SEPTIN6: variants seen among roughly 807,000 people sequenced by gnomAD.
SEPTIN6 encodes the protein septin-6.
In SEPTIN6, 8 loss-of-function variants were observed where a neutral mutation model predicts 33.6. That is an observed-to-expected ratio of 0.24 (90% CI 0.14 to 0.43). The LOEUF (loss-of-function observed/expected upper bound fraction) is 0.43, where lower values mean the gene tolerates loss of function less well. Among genes scored for constraint, SEPTIN6 ranks in the 20% least tolerant of loss-of-function variants. The probability of loss-of-function intolerance (pLI) is 1.00; values close to 1 mark genes in which losing one functional copy is unlikely to be tolerated. For synonymous variants in SEPTIN6, 131 were observed against 140.0 expected (o/e 0.94, Z 0.45); for missense variants, 250 against 340.8 (o/e 0.73, Z 2.10).
intron 7 of SEPTIN6, among the ~76,000 whole-genome samples, chrX:119,633,964 T>C (rs1283295428): frequency 1.8e-5 from 2 of 112,045 alleles, no homozygotes; most frequent in Admixed American, 9.5e-5. Flanking sequence ...TCAGTACTAA[T>C]TGACATGATG....
chrX:119,656,866 A>G (rs2054453212), intron 3 of SEPTIN6, among the ~76,000 whole-genome samples: 1 of 110,513 alleles, frequency 9.0e-6, no homozygotes, highest in Admixed American at 9.7e-5. Flanking sequence ...AGCCTGGGCG[A>G]CAGAGTGAGA....
chrX:119,674,779 A>T (rs1297074686), intron 2 of SEPTIN6, among the ~76,000 whole-genome samples: 1 of 112,390 alleles, frequency 8.9e-6, no homozygotes, highest in East Asian at 2.8e-4. Flanking sequence ...CTAATGTGAG[A>T]AAGTGAAAAG....
intron 3 of SEPTIN6, 28 bp downstream of exon 3, chrX:119,663,445 ACCTCCCCAC>A: frequency 1.0e-6 from 1 of 969,914 alleles, no homozygotes; most frequent in Non-Finnish European, 1.4e-6. Context: ...CCCTCTACCA[ACCTCCCCAC>A]CCTACCCCAC....
intron 5 of SEPTIN6, among the ~76,000 whole-genome samples, chrX:119,644,971 G>A (rs920057031): frequency 9.5e-5 from 10 of 104,891 alleles, no homozygotes; most frequent in African/African-American, 3.5e-4. Flanking sequence ...GCAATGGCAC[G>A]ATCTCGGCTC....
At chrX:119,662,158 T>G (rs1316804875) in intron 3 of SEPTIN6, among the ~76,000 whole-genome samples, 24 of 110,998 alleles carry the variant, frequency 2.2e-4, no homozygotes, top group Non-Finnish European at 1.9e-5. Flanking sequence ...TTTAGCCCAG[T>G]GTTCTTCTTA....
At chrX:119,675,213 T>C (rs769285059) in intron 2 of SEPTIN6, among the ~76,000 whole-genome samples, 1 of 110,688 alleles carries the variant, frequency 9.0e-6, no homozygotes, top group East Asian at 2.8e-4. Context: ...TTGTCAGCTA[T>C]CCCCTCCCTC....
intron 2 of SEPTIN6, among the ~76,000 whole-genome samples, chrX:119,664,691 T>C (rs2054604358): frequency 1.9e-5 from 2 of 106,651 alleles, no homozygotes; most frequent in South Asian, 8.4e-4. Flanking sequence ...ACATACACAA[T>C]TTAGCCAGGC....
At chrX:119,623,324 T>A (rs2053799525) in intron 10 of SEPTIN6, among the ~76,000 whole-genome samples, 1 of 112,039 alleles carries the variant, frequency 8.9e-6, no homozygotes, top group Admixed American at 9.6e-5. Flanking sequence ...ATGGTGGGGT[T>A]GTGGTTATGT....
At position 119,657,980 on chromosome X, in the gene SEPTIN6, A is replaced by G. The variant is rs751932358; in HGVS notation, c.342-4940T>C. Among the ~76,000 whole-genome samples the G allele has an allele frequency of 2.1e-3, 235 of 111,028 alleles. 2 individuals carry two copies. The highest frequency in any genetic ancestry group is 0.02 in the Admixed American group (208 of 10,431). On this transcript the variant is annotated intron_variant, in intron 3 of 10. Transcript: ENST00000394610. Reference sequence around the variant, plus strand: ...CTCTACTAAAAATACAAAAAAAATTAGCCGGGCGTGGTGGTGGGCGCCTGT... The same window carrying G: ...CTCTACTAAAAATACAAAAAAAATTGGCCGGGCGTGGTGGTGGGCGCCTGT...
At position 119,619,473 on chromosome X, in the gene SEPTIN6, A is replaced by T. The variant is rs1421899270; in HGVS notation, c.*620T>A. On this transcript the variant is annotated 3_prime_UTR_variant, in exon 11 of 11. Transcript: ENST00000394610. Reference sequence around the variant, plus strand: ...CGTTGCCGATTTTGAGCACAGCTTGAGTGCAGTTACTTCGAGTGAATGAAA... The same window carrying T: ...CGTTGCCGATTTTGAGCACAGCTTGTGTGCAGTTACTTCGAGTGAATGAAA... 1.5e-4 allele frequency: 119 copies of T among 813,301 alleles called. No homozygotes were observed. Among genetic ancestry groups the T allele is most frequent in the Non-Finnish European group, 1.7e-4 (114 of 676,620 alleles). 67.0% of individuals were successfully genotyped at this position (813,301 alleles called of 1,213,427 possible).
chrX:119,671,182 A>T (rs1296682094), intron 2 of SEPTIN6, among the ~76,000 whole-genome samples: 1 of 111,484 alleles, frequency 9.0e-6, no homozygotes, highest in Non-Finnish European at 1.9e-5. Flanking sequence ...ATGGTGGCTC[A>T]TGCCCATAAT....
At chrX:119,621,446 G>GGGGTGTGTGTGT (rs2053759866) in intron 10 of SEPTIN6, among the ~76,000 whole-genome samples, 2 of 63,482 alleles carry the variant, frequency 3.2e-5, no homozygotes, top group East Asian at 5.5e-4. Flanking sequence ...GCCCAGAGCT[G>GGGGTGTGTGTGT]GTGTGTGTGT....
At position 119,618,287 on chromosome X, in the gene SEPTIN6, C is replaced by T. The variant is rs1312515124; in HGVS notation, c.*1806G>A. On this transcript the variant is annotated 3_prime_UTR_variant, in exon 11 of 11. Coordinates refer to ENST00000394610, the MANE Select transcript of SEPTIN6 (RefSeq NM_145799.4). The stretch of plus-strand genomic sequence containing the variant: ...ACTGGCTTGTGCTTTGGCAGCATCA[C>T]CTTCATACTTGCTCTGGTCACTCAC... 1.2e-6 allele frequency: 1 copy of T among 807,007 alleles called. No homozygotes were observed. The highest frequency in any genetic ancestry group is 2.2e-5 in the African/African-American group (1 of 45,248). The allele number at this position is 807,007 out of a possible 1,213,427, so 66.5% of individuals were successfully genotyped here.
At position 119,652,739 on chromosome X, in the gene SEPTIN6, A is replaced by G. The variant is rs769788158; in HGVS notation, c.528+115T>C. 6 of 559,244 alleles carry G rather than the reference A, an allele frequency of 1.1e-5. No homozygotes were observed. In the African/African-American group the frequency reaches 1.2e-4, roughly 11 times the overall value. The allele number at this position is 559,244 out of a possible 1,213,427, so 46.1% of individuals were successfully genotyped here. On this transcript the variant is annotated intron_variant, in intron 4 of 10. Transcript: ENST00000394610. ...CGTAACACCATCTTTATGGAGGGAC[A>G]GGGAATGAGGGAGAGGATGAGGATG... is the stretch of plus-strand genomic sequence containing the variant.
chrX:119,672,791 T>A (rs2054770088), intron 2 of SEPTIN6, among the ~76,000 whole-genome samples: 1 of 112,447 alleles, frequency 8.9e-6, no homozygotes, highest in Non-Finnish European at 1.9e-5. Context: ...TGACTTCTAG[T>A]TATTTTACAT....
At chrX:119,633,634 G>T in intron 7 of SEPTIN6, 142 bp from the exon 8 acceptor site, 1 of 803,138 alleles carries the variant, frequency 1.2e-6, no homozygotes, top group Non-Finnish European at 1.7e-6. Flanking sequence ...ACAAAGCTGT[G>T]GGCACCTGGC....
intron 1 of SEPTIN6, among the ~76,000 whole-genome samples, chrX:119,675,900 C>T (rs2054832483): frequency 9.1e-6 from 1 of 110,308 alleles, no homozygotes; most frequent in Non-Finnish European, 1.9e-5. Context: ...CGCCACAGCT[C>T]CAGAGAAAAT....
Position 119,618,164 on chromosome X carries a change from GA to G in SEPTIN6, c.*1928del, listed in dbSNP as rs1272471243. 7.5e-6 allele frequency: 2 copies of G among 265,456 alleles called. No homozygotes were observed. Among genetic ancestry groups the G allele is most frequent in the Non-Finnish European group, 9.3e-6 (2 of 214,416 alleles). 21.9% of individuals were successfully genotyped at this position (265,456 alleles called of 1,213,427 possible). ...GAGCTACTGGCTGAGTATCTGAGCAGATTTTTTTTTTTTTTTTTTTGGTCGT... is the reference window on the plus strand; with the variant it reads ...GAGCTACTGGCTGAGTATCTGAGCAGTTTTTTTTTTTTTTTTTTTGGTCGT... On this transcript the variant is annotated 3_prime_UTR_variant, in exon 11 of 11. Transcript: ENST00000394610.
At chrX:119,620,189 T>C in intron 10 of SEPTIN6, 138 bp from the exon 11 acceptor site, 1 of 493,472 alleles carries the variant, frequency 2.0e-6, no homozygotes, top group Middle Eastern at 5.8e-4. Context: ...CTTAAGGTCT[T>C]ATTGCATTGG....
Sources: gnomAD v4.1 joint callset for allele counts (sites outside exome capture counted in the v4.1 genomes callset) on GRCh38, gnomAD v4.1.1 for gene constraint, MANE v1.5 for transcripts, NCBI Gene and HGNC (gene_info 2026-07-23, HGNC 2026-07-21) for gene names.